The following CCDC149 variants were observed in gnomAD, a reference collection of about 807,000 sequenced individuals.
CCDC149 encodes coiled-coil domain-containing protein 149.
In CCDC149, 45 loss-of-function variants were observed where a neutral mutation model predicts 59.9. The observed-to-expected ratio is 0.75, with a 90% CI of 0.59 to 0.96. The LOEUF is 0.96. Ranked by LOEUF, CCDC149 falls within the 40% of genes least tolerant of loss-of-function variation. The probability of loss-of-function intolerance (pLI) is 0.00; values close to 1 mark genes in which losing one functional copy is unlikely to be tolerated. For synonymous variants in CCDC149, 245 were observed against 260.6 expected, an observed-to-expected ratio of 0.94 and a Z score of 0.58; for missense variants, 584 against 664.7, an observed-to-expected ratio of 0.88 and a Z score of 1.33.
In CCDC149 at chr4:24,828,117, T is replaced by C. The variant is rs546884958; in HGVS notation, c.965+3389A>G. On this transcript the variant is annotated intron_variant, in intron 9 of 12. Transcript: ENST00000635206. Reference sequence around the variant, plus strand: ...CCAAATAAAACATTTATTAAAAGTATGAAACAGAGGACCCCCTAAGTATTA... The same window carrying C: ...CCAAATAAAACATTTATTAAAAGTACGAAACAGAGGACCCCCTAAGTATTA... The C allele has an allele frequency of 5.3e-5, 8 of 152,186 alleles. No homozygotes were observed. In the South Asian group the frequency reaches 1.5e-3, roughly 28 times the overall value. The allele number at this position is 152,186 out of a possible 1,614,324, so 9.4% of individuals were successfully genotyped here. A position where few individuals can be genotyped will look rare whatever the true frequency, so the allele number is the denominator to read the frequency against.
intron 1 of CCDC149, among the ~76,000 whole-genome samples, chr4:24,923,507 A>C (rs1008604930): frequency 2.6e-5 from 4 of 152,214 alleles, no homozygotes; most frequent in Non-Finnish European, 5.9e-5. Flanking sequence ...TCTTTGAGAG[A>C]TCTAATAGGG....
intron 9 of CCDC149, among the ~76,000 whole-genome samples, chr4:24,823,410 A>G (rs1023751182): frequency 2.6e-5 from 4 of 152,350 alleles, no homozygotes; most frequent in Admixed American, 1.3e-4. Context: ...ATAAAATAAT[A>G]TAGTTGGGAA....
chr4:24,813,497 T>TATATATATATATATATATATATATAC (rs1714779276), intron 12 of CCDC149, among the ~76,000 whole-genome samples: 1 of 15,404 alleles, frequency 6.5e-5, no homozygotes, highest in African/African-American at 1.4e-4. Flanking sequence ...GGAATATATA[T>TATATATATATATATATATATATATAC]ATATATATAT....
intron 1 of CCDC149, among the ~76,000 whole-genome samples, chr4:24,963,808 A>C (rs758458263): frequency 7.2e-5 from 11 of 152,266 alleles, no homozygotes; most frequent in Admixed American, 1.3e-4. Context: ...TTTAACAAGC[A>C]ATTACAGTTT....
At chr4:24,913,950 A>G (rs372342186), upstream of CCDC149, among the ~76,000 whole-genome samples, 3 of 152,210 alleles carry the variant, frequency 2.0e-5, no homozygotes, top group Admixed American at 1.3e-4. Flanking sequence ...TTGGACCACT[A>G]TCAATAGTGA....
At chr4:24,880,181 C>A (rs1577444222) in intron 1 of CCDC149, among the ~76,000 whole-genome samples, 1 of 152,206 alleles carries the variant, frequency 6.6e-6, no homozygotes, top group South Asian at 2.1e-4. Flanking sequence ...GGTACCTTTT[C>A]TATGTTTAGA....
chr4:24,914,127 T>C (rs1722047073), upstream of CCDC149, among the ~76,000 whole-genome samples: 1 of 152,192 alleles, frequency 6.6e-6, no homozygotes, highest in South Asian at 2.1e-4. Context: ...CCTCATTTAT[T>C]AGATGGGGAA....
intron 4 of CCDC149, among the ~76,000 whole-genome samples, chr4:24,849,558 G>T (rs949386248): frequency 6.6e-6 from 1 of 152,192 alleles, no homozygotes; most frequent in African/African-American, 2.4e-5. Flanking sequence ...GAGCTAAGCT[G>T]CTTGGAAGCC....
chr4:24,842,107 G>T (rs1165121615), intron 4 of CCDC149, among the ~76,000 whole-genome samples: 1 of 152,172 alleles, frequency 6.6e-6, no homozygotes, highest in African/African-American at 2.4e-5. Flanking sequence ...ACCATCAGGG[G>T]GAATTCTGGC....
At chr4:24,913,208 G>C (rs1264805395), upstream of CCDC149, among the ~76,000 whole-genome samples, 2 of 152,098 alleles carry the variant, frequency 1.3e-5, no homozygotes, top group African/African-American at 4.8e-5. Context: ...CAGCCTACAG[G>C]TCACTCCGGA....
Position 24,838,364 on chromosome 4 carries a change from A to G in CCDC149, c.373-92T>C, listed in dbSNP as rs77549874. 3,302 of 872,502 alleles carry G rather than the reference A, an allele frequency of 3.8e-3. 83 individuals carry two copies. The African/African-American group carries it at 0.048, about 13-fold the overall frequency. 54.0% of individuals were successfully genotyped at this position (872,502 alleles called of 1,614,324 possible). A position where few individuals can be genotyped will look rare whatever the true frequency, so the allele number is the denominator to read the frequency against. ...GGACACTAAGAAACTTTTGGAAGAT[A>G]AGATACTTTCAAGAAATACTGGAGA... On this transcript the variant is annotated intron_variant, in intron 4 of 12. Coordinates refer to ENST00000635206, the MANE Select transcript of CCDC149 (RefSeq NM_001330643.2).
chr4:24,829,449 G>C (rs539757154), intron 9 of CCDC149: 1 of 152,140 alleles, frequency 6.6e-6, no homozygotes, highest in African/African-American at 2.4e-5. Context: ...AGTGGGTCTG[G>C]GGTGGGGGTC....
chr4:24,895,078 G>A, intron 1 of CCDC149: 1 of 1,430,466 alleles, frequency 7.0e-7, no homozygotes, highest in Non-Finnish European at 9.5e-7. Context: ...ATGAGTTAAT[G>A]ACGTGGCAAC....
chr4:24,846,720 C>G (rs777107863), intron 4 of CCDC149, among the ~76,000 whole-genome samples: 12 of 152,122 alleles, frequency 7.9e-5, no homozygotes, highest in Non-Finnish European at 1.6e-4. Context: ...ACATAAAGCT[C>G]ATTATTAAGG....
At chr4:24,834,884 T>C (rs1577393674) in intron 8 of CCDC149, 64 bp downstream of exon 8, 2 of 1,230,350 alleles carry the variant, frequency 1.6e-6, no homozygotes, top group East Asian at 2.4e-5. Context: ...CTGGATGGGA[T>C]GTGGGCTTGC....
At chr4:24,949,414 A>G (rs1193521243) in intron 1 of CCDC149, among the ~76,000 whole-genome samples, 1 of 109,766 alleles carries the variant, frequency 9.1e-6, no homozygotes, top group Admixed American at 1.4e-4. Context: ...CCAAATTGTC[A>G]GCTGTAGAGA....
intron 4 of CCDC149, among the ~76,000 whole-genome samples, chr4:24,847,078 TG>T (rs1717334491): frequency 1.3e-5 from 2 of 152,272 alleles, no homozygotes; most frequent in African/African-American, 4.8e-5. Context: ...TCGAGGCTGG[TG>T]ATCAGGAGGG....
intron 1 of CCDC149, among the ~76,000 whole-genome samples, chr4:24,972,965 G>C (rs1396433155): frequency 6.6e-6 from 1 of 152,160 alleles, no homozygotes; most frequent in Non-Finnish European, 1.5e-5. Flanking sequence ...TCTTTTGCCT[G>C]TAAGGGTGGG....
chr4:24,856,681 G>A (rs964217889), intron 3 of CCDC149, among the ~76,000 whole-genome samples: 2 of 152,204 alleles, frequency 1.3e-5, no homozygotes, highest in Non-Finnish European at 2.9e-5. Flanking sequence ...CAGCGAAGTC[G>A]AGAGATGACT....
Sources: gnomAD v4.1 joint callset for allele counts (sites outside exome capture counted in the v4.1 genomes callset) on GRCh38, gnomAD v4.1.1 for gene constraint, MANE v1.5 for transcripts, NCBI Gene and HGNC (gene_info 2026-07-23, HGNC 2026-07-21) for gene names.